NRXN3: variants seen among roughly 807,000 people sequenced by gnomAD.
The protein encoded by NRXN3 is neurexin 3.
NRXN3 carries 32 observed loss-of-function variants against 137.6 expected under a neutral mutation model. That is an observed-to-expected ratio of 0.23 (90% CI 0.18 to 0.31). The LOEUF (loss-of-function observed/expected upper bound fraction) is 0.31, where lower values mean the gene tolerates loss of function less well. Among genes scored for constraint, NRXN3 ranks in the 10% least tolerant of loss-of-function variants. The pLI is 1.00. For synonymous variants in NRXN3, 798 were observed against 784.5 expected (o/e 1.02, Z -0.29); for missense variants, 1,574 against 2,062.5 (o/e 0.76, Z 4.59).
At chr14:79,713,658 A>G (rs970711170) in intron 19 of NRXN3, among the ~76,000 whole-genome samples, 5 of 145,006 alleles carry the variant, frequency 3.4e-5, no homozygotes, top group Admixed American at 6.9e-5. Context: ...AATTCCACTA[A>G]GAATTACTGT....
intron 16 of NRXN3, among the ~76,000 whole-genome samples, chr14:79,579,349 C>CAT (rs138220950): frequency 0.012 from 1,762 of 142,326 alleles, 19 homozygotes; most frequent in African/African-American, 0.021. Flanking sequence ...ATATATATTT[C>CAT]ATATATATAT....
At chr14:78,757,577 C>T (rs2098674852) in intron 8 of NRXN3, among the ~76,000 whole-genome samples, 1 of 152,142 alleles carries the variant, frequency 6.6e-6, no homozygotes, top group African/African-American at 2.4e-5. Context: ...CATGGTGTAT[C>T]TGTCTTCAAA....
chr14:79,530,703 G>A (rs182363456), intron 16 of NRXN3, among the ~76,000 whole-genome samples: 1 of 152,034 alleles, frequency 6.6e-6, no homozygotes, highest in East Asian at 1.9e-4. Flanking sequence ...AAATTAGTGG[G>A]AAACCAAGGA....
At position 78,528,614 on chromosome 14, in the gene NRXN3, C is replaced by G. The variant is rs532066139; in HGVS notation, c.758-116506C>G. Among the ~76,000 whole-genome samples the G allele has an allele frequency of 1.3e-4, 20 of 151,902 alleles. 1 individual carries two copies. Among genetic ancestry groups the G allele is most frequent in the Non-Finnish European group, 2.5e-4 (17 of 68,002 alleles). ...ACCTAGATTGAGATTTTGATAGATT[C>G]AGGATAAAGGTAGTGAAAAAATTGC... On this transcript the variant is annotated intron_variant, in intron 4 of 20. Coordinates refer to ENST00000335750, the MANE Select transcript of NRXN3 (RefSeq NM_001330195.2).
At chr14:78,715,801 G>A (rs1450894010) in intron 8 of NRXN3, among the ~76,000 whole-genome samples, 1 of 152,020 alleles carries the variant, frequency 6.6e-6, no homozygotes, top group Non-Finnish European at 1.5e-5. Context: ...TACTGATGAT[G>A]ATTAAATGAG....
At chr14:78,465,781 C>T (rs2095084474) in intron 4 of NRXN3, among the ~76,000 whole-genome samples, 1 of 151,982 alleles carries the variant, frequency 6.6e-6, no homozygotes, top group South Asian at 2.1e-4. Flanking sequence ...GATCTGCCCG[C>T]CTCGGCTTCC....
intron 2 of NRXN3, among the ~76,000 whole-genome samples, chr14:78,275,713 T>A (rs1425056352): frequency 6.6e-6 from 1 of 152,174 alleles, no homozygotes; most frequent in Non-Finnish European, 1.5e-5. Flanking sequence ...AGACCTGGAC[T>A]GAGTCACATG....
intron 4 of NRXN3, among the ~76,000 whole-genome samples, chr14:78,341,149 G>A (rs999077450): frequency 6.6e-6 from 1 of 152,124 alleles, no homozygotes; most frequent in African/African-American, 2.4e-5. Flanking sequence ...GTGGCTTTCC[G>A]AGGGTGAGAT....
chr14:78,499,843 C>G (rs1370742444), intron 4 of NRXN3, among the ~76,000 whole-genome samples: 1 of 152,094 alleles, frequency 6.6e-6, no homozygotes, highest in Non-Finnish European at 1.5e-5. Context: ...CCCATCATGG[C>G]AGCTTCACCA....
chr14:79,307,904 A>G (rs1399850437), intron 15 of NRXN3, among the ~76,000 whole-genome samples: 1 of 152,088 alleles, frequency 6.6e-6, no homozygotes. Flanking sequence ...CTTAAACAAC[A>G]GAAATTTATT....
chr14:79,106,758 G>T (rs1042487580), intron 15 of NRXN3, among the ~76,000 whole-genome samples: 4 of 152,006 alleles, frequency 2.6e-5, no homozygotes, highest in Non-Finnish European at 5.9e-5. Context: ...CTTTTAATAA[G>T]ATGACTGAAA....
chr14:79,744,984 GT>G (rs1398890893), intron 19 of NRXN3, among the ~76,000 whole-genome samples: 1 of 146,910 alleles, frequency 6.8e-6, no homozygotes, highest in African/African-American at 2.5e-5. Flanking sequence ...GCCAGGACCA[GT>G]TTAAGTCAAA....
chr14:79,215,870 A>G (rs2068420137), intron 15 of NRXN3, among the ~76,000 whole-genome samples: 2 of 152,210 alleles, frequency 1.3e-5, no homozygotes, highest in Admixed American at 1.3e-4. Context: ...ATTCAAAGAG[A>G]TAAGCATTTT....
chr14:78,758,046 G>A (rs1402081807), intron 8 of NRXN3, among the ~76,000 whole-genome samples: 1 of 152,152 alleles, frequency 6.6e-6, no homozygotes, highest in African/African-American at 2.4e-5. Context: ...AGCCTTAGAG[G>A]ATGTGTGAAG....
At chr14:79,482,125 C>G (rs1475871567) in intron 16 of NRXN3, among the ~76,000 whole-genome samples, 1 of 152,176 alleles carries the variant, frequency 6.6e-6, no homozygotes, top group Non-Finnish European at 1.5e-5. Context: ...TCAGGTGTCT[C>G]TCATCCTCTT....
chr14:78,224,060 G>T (rs1427538957), intron 1 of NRXN3, among the ~76,000 whole-genome samples: 1 of 151,906 alleles, frequency 6.6e-6, no homozygotes, highest in Non-Finnish European at 1.5e-5. Context: ...TTTCAAAACC[G>T]GGTCCCACAC....
chr14:79,035,900 AT>A (rs1460277525), intron 15 of NRXN3, among the ~76,000 whole-genome samples: 1 of 152,130 alleles, frequency 6.6e-6, no homozygotes, highest in Non-Finnish European at 1.5e-5. Context: ...CAAATATAAA[AT>A]GTGGATGTGT....
In NRXN3 at chr14:79,191,654, C is replaced by G. The variant is rs944111034; in HGVS notation, c.3262+203513C>G. Among the ~76,000 whole-genome samples, 6 of 152,288 alleles carry G rather than the reference C, an allele frequency of 3.9e-5. No individual in the cohort carries two copies. In the South Asian group the frequency reaches 1.0e-3, roughly 26 times the overall value. Reference sequence around the variant, plus strand: ...GACAGTAAACACAATTAATAGCTTTCTATTTGCCAGGCATGTGACATACGA... The same window carrying G: ...GACAGTAAACACAATTAATAGCTTTGTATTTGCCAGGCATGTGACATACGA... On this transcript the variant is annotated intron_variant, in intron 15 of 20. Transcript: ENST00000335750.
chr14:79,594,599 C>T (rs1481891775), intron 16 of NRXN3, among the ~76,000 whole-genome samples: 4 of 152,046 alleles, frequency 2.6e-5, no homozygotes, highest in Non-Finnish European at 5.9e-5. Flanking sequence ...CTTTTCTTGG[C>T]AACTAATATT....
Sources: gnomAD v4.1 joint callset for allele counts (sites outside exome capture counted in the v4.1 genomes callset) on GRCh38, gnomAD v4.1.1 for gene constraint, MANE v1.5 for transcripts, NCBI Gene and HGNC (gene_info 2026-07-23, HGNC 2026-07-21) for gene names.